Variants in DAB1 observed in about 807,000 individuals in gnomAD.
DAB1 encodes the protein DAB adaptor protein 1.
DAB1 carries 15 observed loss-of-function variants against 64.6 expected under a neutral mutation model. The observed-to-expected ratio is 0.23, with a 90% confidence interval of 0.16 to 0.36. The LOEUF (loss-of-function observed/expected upper bound fraction) is 0.36. DAB1 is among the 10% of genes least tolerant of loss of function. The probability of loss-of-function intolerance (pLI) is 1.00; values close to 1 mark genes in which losing one functional copy is unlikely to be tolerated. For missense variants in DAB1, 596 were observed against 706.7 expected, an observed-to-expected ratio of 0.84 and a Z score of 1.78; for synonymous variants, 235 against 251.9, an observed-to-expected ratio of 0.93 and a Z score of 0.64.
chr1:57,791,613 C>T (rs1232868208), intron 6 of DAB1, among the ~76,000 whole-genome samples: 2 of 152,134 alleles, frequency 1.3e-5, no homozygotes, highest in Non-Finnish European at 2.9e-5. Flanking sequence ...CATGAGAAAT[C>T]AGTGAGACAA....
rs3768210 is a variant in DAB1, at chr1:57,007,065, C to T, written c.*15+3615G>A. ...CTTCCTCTCTCACTCTCTTAAGATTCGTCTTCCCAAAGCATCTGAGGTTTC... is the reference window on the plus strand; with the variant it reads ...CTTCCTCTCTCACTCTCTTAAGATTTGTCTTCCCAAAGCATCTGAGGTTTC... On this transcript the variant is annotated intron_variant, in intron 14 of 14. Transcript: ENST00000371236. 8.8e-3 allele frequency among the ~76,000 whole-genome samples: 1,343 copies of T among 151,828 alleles called. 82 individuals are homozygous for T. The East Asian group carries it at 0.17, about 19-fold the overall frequency.
At chr1:58,140,248 T>G (rs1654203608) in intron 5 of DAB1, among the ~76,000 whole-genome samples, 1 of 152,158 alleles carries the variant, frequency 6.6e-6, no homozygotes, top group Non-Finnish European at 1.5e-5. Flanking sequence ...CTTCACCATG[T>G]GGTATGGAAT....
intron 1 of DAB1, among the ~76,000 whole-genome samples, chr1:57,840,005 G>A (rs1652977968): frequency 1.3e-5 from 2 of 152,158 alleles, no homozygotes; most frequent in South Asian, 4.1e-4. Context: ...CCTGGAAGAG[G>A]CTAATTTCAT....
At chr1:57,198,649 T>TCTCACACACACA (rs1477522407) in intron 2 of DAB1, among the ~76,000 whole-genome samples, 16 of 128,334 alleles carry the variant, frequency 1.2e-4, no homozygotes, top group African/African-American at 4.5e-4. Flanking sequence ...CTTCTCTCTC[T>TCTCACACACACA]CACACACACA....
chr1:57,873,613 G>A (rs946155914), intron 1 of DAB1, among the ~76,000 whole-genome samples: 1 of 152,136 alleles, frequency 6.6e-6, no homozygotes, highest in South Asian at 2.1e-4. Context: ...AAACAATCTC[G>A]CTGCCCAATG....
intron 7 of DAB1, among the ~76,000 whole-genome samples, chr1:57,613,388 T>A (rs1645751415): frequency 6.6e-6 from 1 of 152,180 alleles, no homozygotes; most frequent in Non-Finnish European, 1.5e-5. Flanking sequence ...CAGAAGGCCT[T>A]GAGCCTCACT....
chr1:56,997,614 AAAAAACACATCATCCTATGTG>A lies in DAB1; in HGVS notation c.*509_*529del, dbSNP rs1229093544. ...GGCAGACCAGGCCCCATGGAGTGAC[AAAAAACACATCATCCTATGTG>A]AAAAGGCATATGGATGACGATATTG... On this transcript the variant is annotated 3_prime_UTR_variant, in exon 15 of 15. Coordinates refer to ENST00000371236, the MANE Select transcript of DAB1 (RefSeq NM_001365792.1). 1.3e-5 allele frequency: 2 copies of A among 152,204 alleles called. No individual in the cohort carries two copies. Among genetic ancestry groups the A allele is most frequent in the Non-Finnish European group, 2.9e-5 (2 of 68,028 alleles). The allele number at this position is 152,204 out of a possible 1,614,324, so 9.4% of individuals were successfully genotyped here.
chr1:57,582,637 G>A (rs947282563), intron 7 of DAB1, among the ~76,000 whole-genome samples: 2 of 152,198 alleles, frequency 1.3e-5, no homozygotes, highest in African/African-American at 2.4e-5. Flanking sequence ...GAGCTGATAG[G>A]AGCCTCCTCC....
At chr1:58,467,542 C>T (rs913659793) in intron 3 of DAB1, among the ~76,000 whole-genome samples, 1 of 152,016 alleles carries the variant, frequency 6.6e-6, no homozygotes, top group Non-Finnish European at 1.5e-5. Context: ...GCTTGTGGTC[C>T]AGTGAGGGTT....
At chr1:58,265,734 G>A (rs1293247020) in intron 4 of DAB1, among the ~76,000 whole-genome samples, 1 of 152,134 alleles carries the variant, frequency 6.6e-6, no homozygotes. Context: ...GAGAAAAAAG[G>A]ATAGGATCAG....
At chr1:57,384,226 A>AAAAC (rs1186768888) in intron 1 of DAB1, among the ~76,000 whole-genome samples, 2 of 152,168 alleles carry the variant, frequency 1.3e-5, no homozygotes, top group Non-Finnish European at 2.9e-5. Flanking sequence ...GGCTGCTATA[A>AAAAC]AAACAAACAA....
At chr1:57,219,176 G>A (rs77240708) in intron 2 of DAB1, among the ~76,000 whole-genome samples, 1 of 151,698 alleles carries the variant, frequency 6.6e-6, no homozygotes, top group Non-Finnish European at 1.5e-5. Flanking sequence ...ACCATTATAG[G>A]GTTGCTACCT....
At chr1:57,029,013 G>T (rs115485969) in intron 9 of DAB1, among the ~76,000 whole-genome samples, 679 of 152,332 alleles carry the variant, frequency 4.5e-3, no homozygotes, top group Non-Finnish European at 8.0e-3. Context: ...CAATCATGGG[G>T]AAAATGTCTC....
At chr1:58,018,609 T>C (rs562414118) in intron 5 of DAB1, among the ~76,000 whole-genome samples, 181 of 152,256 alleles carry the variant, frequency 1.2e-3, no homozygotes, top group Middle Eastern at 6.8e-3. Flanking sequence ...AAGAAAAGGG[T>C]TGGGGACAAG....
chr1:58,166,080 TAAAGAG>T (rs925726821), intron 4 of DAB1, among the ~76,000 whole-genome samples: 5 of 152,166 alleles, frequency 3.3e-5, no homozygotes, highest in Non-Finnish European at 7.3e-5. Context: ...TCTCTGTACT[TAAAGAG>T]GAAGAGAAGA....
At chr1:57,396,919 A>G (rs1682856878) in intron 1 of DAB1, among the ~76,000 whole-genome samples, 1 of 152,230 alleles carries the variant, frequency 6.6e-6, no homozygotes. Context: ...TATCTTTCTC[A>G]TATGGCCCAA....
intron 6 of DAB1, among the ~76,000 whole-genome samples, chr1:57,652,091 A>G (rs145646122): frequency 4.7e-4 from 72 of 152,338 alleles, no homozygotes; most frequent in Non-Finnish European, 8.5e-4. Flanking sequence ...GAATTTTGCT[A>G]AGGTGTAGAC....
At chr1:58,309,283 A>T (rs1476047813) in intron 4 of DAB1, among the ~76,000 whole-genome samples, 1 of 152,194 alleles carries the variant, frequency 6.6e-6, no homozygotes, top group African/African-American at 2.4e-5. Flanking sequence ...GGATTATATT[A>T]CAACATCACT....
intron 9 of DAB1, among the ~76,000 whole-genome samples, chr1:57,036,291 T>G (rs985521053): frequency 1.3e-5 from 2 of 152,144 alleles, no homozygotes; most frequent in African/African-American, 4.8e-5. Context: ...CCATCTTCTC[T>G]CTTTTGCCCT....
Sources: gnomAD v4.1 joint callset for allele counts (sites outside exome capture counted in the v4.1 genomes callset) on GRCh38, gnomAD v4.1.1 for gene constraint, MANE v1.5 for transcripts, NCBI Gene and HGNC (gene_info 2026-07-23, HGNC 2026-07-21) for gene names.